The following MAF variants were observed in gnomAD, a reference collection of about 807,000 sequenced individuals.
MAF encodes MAF bZIP transcription factor.
Under a neutral mutation model 22.0 loss-of-function variants are expected in MAF, and 10 were observed. The ratio of observed to expected loss-of-function variants is 0.45; its 90% confidence interval spans 0.28 to 0.77. The LOEUF (loss-of-function observed/expected upper bound fraction) is 0.77, where lower values mean the gene tolerates loss of function less well. MAF is among the 30% of genes least tolerant of loss of function. MAF has a pLI of 0.12. For missense variants in MAF, 544 were observed against 548.4 expected (o/e 0.99, Z 0.08); for synonymous variants, 337 against 255.8 (o/e 1.32, Z -3.03).
chr16:79,392,291 G>A, the MAF span, among the ~76,000 whole-genome samples: 1 of 147,912 alleles, frequency 6.8e-6, no homozygotes, highest in Non-Finnish European at 1.5e-5. Flanking sequence ...GAAGTGGGGA[G>A]AGAGAGAGTG....
At chr16:79,365,595 G>A in the MAF span, among the ~76,000 whole-genome samples, 1 of 151,898 alleles carries the variant, frequency 6.6e-6, no homozygotes, top group Non-Finnish European at 1.5e-5. Context: ...TTTTTTTCCT[G>A]GGATTGGGGT....
At chr16:79,299,662 G>A in the MAF span, among the ~76,000 whole-genome samples, 9 of 152,138 alleles carry the variant, frequency 5.9e-5, no homozygotes, top group African/African-American at 2.2e-4. Context: ...CCAGCGTCCT[G>A]CACAGTGACA....
the MAF span, among the ~76,000 whole-genome samples, chr16:79,327,199 G>A: frequency 2.6e-5 from 4 of 152,176 alleles, no homozygotes; most frequent in African/African-American, 7.2e-5. Flanking sequence ...TTGGGGCAGG[G>A]GCTTTAGGGG....
chr16:79,338,535 A>G, the MAF span, among the ~76,000 whole-genome samples: 1 of 152,212 alleles, frequency 6.6e-6, no homozygotes, highest in African/African-American at 2.4e-5. Context: ...AACAATTTTC[A>G]AGCCAAAAAG....
chr16:79,299,320 T>C, the MAF span, among the ~76,000 whole-genome samples: 4 of 71,158 alleles, frequency 5.6e-5, no homozygotes, highest in African/African-American at 1.7e-4. Context: ...AAAAAGAAAA[T>C]GGAAAAGAAA....
At chr16:79,251,538 A>T in the MAF span, among the ~76,000 whole-genome samples, 1 of 151,868 alleles carries the variant, frequency 6.6e-6, no homozygotes, top group Non-Finnish European at 1.5e-5. Flanking sequence ...GTTGGTCTCG[A>T]ACTCCTGACC....
the MAF span, among the ~76,000 whole-genome samples, chr16:79,407,315 G>A: frequency 2.6e-5 from 4 of 152,168 alleles, no homozygotes; most frequent in East Asian, 1.9e-4. Context: ...CAGGCCCTAC[G>A]AAATGCCATC....
chr16:79,348,405 A>G, the MAF span, among the ~76,000 whole-genome samples: 4 of 152,344 alleles, frequency 2.6e-5, no homozygotes, highest in East Asian at 7.7e-4. Flanking sequence ...CTCTTTAAAG[A>G]GTTTTAATCC....
the MAF span, among the ~76,000 whole-genome samples, chr16:79,337,533 A>C: frequency 6.6e-6 from 1 of 151,630 alleles, no homozygotes; most frequent in East Asian, 1.9e-4. Context: ...GTGCCACTAC[A>C]CTCCAGCCTG....
the MAF span, among the ~76,000 whole-genome samples, chr16:79,345,164 CTGAA>C: frequency 6.6e-6 from 1 of 151,600 alleles, no homozygotes; most frequent in Non-Finnish European, 1.5e-5. Flanking sequence ...CCCTAACCTG[CTGAA>C]TGATTTGTAT....
At chr16:79,431,367 C>G in the MAF span, among the ~76,000 whole-genome samples, 3 of 152,196 alleles carry the variant, frequency 2.0e-5, no homozygotes, top group Non-Finnish European at 2.9e-5. Context: ...CATACACTAA[C>G]CAAATAACAT....
At chr16:79,512,816 G>A in the MAF span, among the ~76,000 whole-genome samples, 3 of 152,244 alleles carry the variant, frequency 2.0e-5, no homozygotes, top group African/African-American at 7.2e-5. Context: ...GGATGTAGGT[G>A]TGTTTCCAGG....
At chr16:79,228,203 GC>G in the MAF span, among the ~76,000 whole-genome samples, 1 of 152,052 alleles carries the variant, frequency 6.6e-6, no homozygotes, top group Non-Finnish European at 1.5e-5. Context: ...ACCTTGCCCA[GC>G]CACATTATTT....
the MAF span, among the ~76,000 whole-genome samples, chr16:79,546,989 CA>C: frequency 6.6e-6 from 1 of 152,118 alleles, no homozygotes; most frequent in South Asian, 2.1e-4. Context: ...GGGGTGATGA[CA>C]GAACATTTTA....
the MAF span, among the ~76,000 whole-genome samples, chr16:79,371,224 T>C: frequency 6.6e-6 from 1 of 151,926 alleles, no homozygotes; most frequent in Non-Finnish European, 1.5e-5. Flanking sequence ...GGTCTCAGGG[T>C]AGTTGGCCTT....
the MAF span, among the ~76,000 whole-genome samples, chr16:79,476,295 A>T: frequency 1.3e-5 from 2 of 152,320 alleles, no homozygotes; most frequent in South Asian, 4.1e-4. Context: ...TGACTCATGG[A>T]AACTTTGAGA....
At chr16:79,336,367 A>G in the MAF span, among the ~76,000 whole-genome samples, 1 of 152,242 alleles carries the variant, frequency 6.6e-6, no homozygotes, top group Non-Finnish European at 1.5e-5. Context: ...AACTTGCCCA[A>G]GGTCACATAG....
chr16:79,492,474 A>G, the MAF span, among the ~76,000 whole-genome samples: 62 of 83,148 alleles, frequency 7.5e-4, no homozygotes, highest in African/African-American at 1.6e-3. Flanking sequence ...TGTTCTATAT[A>G]TAGCAAAAGA....
At chr16:79,206,458 A>G in the MAF span, 3 of 152,226 alleles carry the variant, frequency 2.0e-5, no homozygotes, top group African/African-American at 7.2e-5. Context: ...CTCTCTAAAT[A>G]AATGGAAATA....
Sources: gnomAD v4.1 joint callset for allele counts (sites outside exome capture counted in the v4.1 genomes callset) on GRCh38, gnomAD v4.1.1 for gene constraint, MANE v1.5 for transcripts, NCBI Gene and HGNC (gene_info 2026-07-23, HGNC 2026-07-21) for gene names.